TOM1L2: variants seen among roughly 807,000 people sequenced by gnomAD.
TOM1L2 encodes the protein TOM1-like protein 2.
In TOM1L2, 31 loss-of-function variants were observed where a neutral mutation model predicts 67.9. The observed-to-expected ratio is 0.46, with a 90% confidence interval of 0.34 to 0.62. TOM1L2 has a LOEUF of 0.62. TOM1L2 is among the 20% of genes least tolerant of loss of function. The probability of loss-of-function intolerance (pLI) is 0.01; values close to 1 mark genes in which losing one functional copy is unlikely to be tolerated. For synonymous variants in TOM1L2, 256 were observed against 254.0 expected (o/e 1.01, Z -0.07); for missense variants, 606 against 663.5 (o/e 0.91, Z 0.95).
intron 1 of TOM1L2, among the ~76,000 whole-genome samples, chr17:17,966,799 C>T (rs1218962524): frequency 6.6e-6 from 1 of 152,180 alleles, no homozygotes; most frequent in Non-Finnish European, 1.5e-5. Flanking sequence ...ATTCTATGTA[C>T]AGAGTTTGCA....
chr17:17,950,298 T>C (rs1277122862), intron 1 of TOM1L2, among the ~76,000 whole-genome samples: 1 of 152,152 alleles, frequency 6.6e-6, no homozygotes, highest in Admixed American at 6.6e-5. Context: ...CTGGGATTAC[T>C]GGAATGCACC....
Position 17,862,978 on chromosome 17 carries a change from C to T in TOM1L2, c.1085-130G>A, listed in dbSNP as rs1284529089. ...ATGGGGAGGGTGGGGCGGGACTTTC[C>T]TTGGTACTCCCAGTGCACCACATGC... On this transcript the variant is annotated intron_variant, in intron 10 of 14. Coordinates refer to ENST00000379504, the MANE Select transcript of TOM1L2 (RefSeq NM_001082968.2). 7 of 670,038 alleles carry T rather than the reference C, an allele frequency of 1.0e-5. No homozygotes were observed. The African/African-American group carries it at 1.2e-4, about 12-fold the overall frequency. 41.5% of individuals were successfully genotyped at this position (670,038 alleles called of 1,614,324 possible). A position where few individuals can be genotyped will look rare whatever the true frequency, so the allele number is the denominator to read the frequency against.
rs184092221 is a variant in TOM1L2 at position 17,917,201 on chromosome 17, G to A, written c.53-9670C>T. 1.5e-4 allele frequency among the ~76,000 whole-genome samples: 23 copies of A among 151,660 alleles called. No individual in the cohort carries two copies. The East Asian group carries it at 3.1e-3, about 21-fold the overall frequency. On this transcript the variant is annotated intron_variant, in intron 1 of 14. Coordinates refer to ENST00000379504, the MANE Select transcript of TOM1L2 (RefSeq NM_001082968.2). ...TAAAAAATTAGCTGGGCGTGGTGGC[G>A]CACACCTGTTGTCCCAGGTGCTTGG...
At chr17:17,908,762 G>A (rs1016620271) in intron 1 of TOM1L2, among the ~76,000 whole-genome samples, 6 of 152,142 alleles carry the variant, frequency 3.9e-5, no homozygotes, top group African/African-American at 1.4e-4. Context: ...CATTAGGATG[G>A]CTACTATCAA....
chr17:17,908,675 T>C (rs902175513), intron 1 of TOM1L2, among the ~76,000 whole-genome samples: 1 of 152,128 alleles, frequency 6.6e-6, no homozygotes. Flanking sequence ...GACTAACAAG[T>C]ATGTGAAAAG....
chr17:17,963,443 G>C (rs770856083), intron 1 of TOM1L2, among the ~76,000 whole-genome samples: 1 of 152,364 alleles, frequency 6.6e-6, no homozygotes, highest in African/African-American at 2.4e-5. Context: ...GCTGGAGCTA[G>C]AGCCCCTGGC....
intron 1 of TOM1L2, among the ~76,000 whole-genome samples, chr17:17,912,312 GGT>G: frequency 6.6e-6 from 1 of 151,882 alleles, no homozygotes; most frequent in East Asian, 1.9e-4. Context: ...TCCCGGACGG[GGT>G]GGCTGCCGGG....
At chr17:17,961,041 A>G (rs2041656966) in intron 1 of TOM1L2, among the ~76,000 whole-genome samples, 1 of 152,336 alleles carries the variant, frequency 6.6e-6, no homozygotes. Context: ...ATGTCTGATA[A>G]GAGATTAATA....
chr17:17,884,510 G>A (rs144585778), intron 5 of TOM1L2, 124 bp downstream of exon 5: 396 of 1,366,512 alleles, frequency 2.9e-4, no homozygotes, highest in Admixed American at 6.0e-4. Flanking sequence ...GAATGCCCCC[G>A]AGCTTTAAGA....
chr17:17,862,953 A>AAG, intron 10 of TOM1L2, 105 bp from the exon 11 acceptor site: 1 of 334,094 alleles, frequency 3.0e-6, no homozygotes, highest in South Asian at 2.3e-5. Flanking sequence ...TTTAGGTTCC[A>AAG]TGGGGAGGGT....
chr17:17,918,734 G>T (rs1042314926), intron 1 of TOM1L2, among the ~76,000 whole-genome samples: 1 of 152,160 alleles, frequency 6.6e-6, no homozygotes, highest in Non-Finnish European at 1.5e-5. Flanking sequence ...TGATAGTACA[G>T]TTCACACAAG....
chr17:17,927,721 C>T (rs557911573), intron 1 of TOM1L2, among the ~76,000 whole-genome samples: 35 of 150,128 alleles, frequency 2.3e-4, no homozygotes, highest in South Asian at 6.3e-4. Context: ...GGGAATGCAG[C>T]GGCACAATCT....
chr17:17,882,958 T>TGCCCACGAAAGGCTCAAGGCC lies in TOM1L2; in HGVS notation c.502-116_502-96dup, dbSNP rs2037809140. ...ACCCCATGCAGCACTTCCCCAAGGCTGCCCACGAAAGGCTCAAGGCCCTGC... is the reference window on the plus strand; with the variant it reads ...ACCCCATGCAGCACTTCCCCAAGGCTGCCCACGAAAGGCTCAAGGCCGCCCACGAAAGGCTCAAGGCCCTGC... On this transcript the variant is annotated intron_variant, in intron 5 of 14. Transcript: ENST00000379504. 1.1e-5 allele frequency: 16 copies of TGCCCACGAAAGGCTCAAGGCC among 1,499,488 alleles called. No individual in the cohort carries two copies. In the South Asian group the frequency reaches 1.7e-4, roughly 16 times the overall value. The allele number at this position is 1,499,488 out of a possible 1,614,324, so 92.9% of individuals were successfully genotyped here.
At position 17,863,275 on chromosome 17, in the gene TOM1L2, T is replaced by C. The variant is rs115112944; in HGVS notation, c.1085-427A>G. 7.3e-3 allele frequency: 1,232 copies of C among 167,684 alleles called. 14 individuals are homozygous for C. The highest frequency in any genetic ancestry group is 0.029 in the African/African-American group (1,192 of 41,790). The allele number at this position is 167,684 out of a possible 1,614,324, so 10.4% of individuals were successfully genotyped here. A position where few individuals can be genotyped will look rare whatever the true frequency, so the allele number is the denominator to read the frequency against. On this transcript the variant is annotated intron_variant, in intron 10 of 14. Transcript: ENST00000379504. ...AGAGCTAGATCTTGAGTAGACCAAA[T>C]TGAATCTGATATGGTCCTCAGCTTC...
At chr17:17,910,558 T>C (rs2039299468) in intron 1 of TOM1L2, among the ~76,000 whole-genome samples, 1 of 151,856 alleles carries the variant, frequency 6.6e-6, no homozygotes, top group Non-Finnish European at 1.5e-5. Context: ...TCAGTGATTA[T>C]TACTATTATT....
chr17:17,856,658 C>T (rs1234439547), intron 12 of TOM1L2, among the ~76,000 whole-genome samples: 1 of 152,260 alleles, frequency 6.6e-6, no homozygotes, highest in Non-Finnish European at 1.5e-5. Flanking sequence ...GAGGGAGAGG[C>T]ACATGTTTGC....
intron 2 of TOM1L2, among the ~76,000 whole-genome samples, chr17:17,899,004 T>C (rs903941872): frequency 2.6e-5 from 4 of 152,190 alleles, no homozygotes; most frequent in Non-Finnish European, 4.4e-5. Flanking sequence ...CAAACATACA[T>C]AGCACAGGTG....
chr17:17,867,042 G>C (rs1170941503), intron 8 of TOM1L2, 118 bp from the exon 9 acceptor site: 3 of 873,680 alleles, frequency 3.4e-6, no homozygotes, highest in East Asian at 4.9e-5. Context: ...TCCCACCTGG[G>C]GGCTAGGGAG....
At chr17:17,919,894 T>C (rs112528671) in intron 1 of TOM1L2, among the ~76,000 whole-genome samples, 44 of 152,210 alleles carry the variant, frequency 2.9e-4, no homozygotes, top group African/African-American at 9.2e-4. Flanking sequence ...CTCTCTCTAA[T>C]AGGAAGAAAA....
Sources: gnomAD v4.1 joint callset for allele counts (sites outside exome capture counted in the v4.1 genomes callset) on GRCh38, gnomAD v4.1.1 for gene constraint, MANE v1.5 for transcripts, NCBI Gene and HGNC (gene_info 2026-07-23, HGNC 2026-07-21) for gene names.